Variants in GRIK5 observed in about 807,000 individuals in gnomAD.
The protein encoded by GRIK5 is glutamate receptor ionotropic, kainate 5.
Under a neutral mutation model 97.4 loss-of-function variants are expected in GRIK5, and 43 were observed. The ratio of observed to expected loss-of-function variants is 0.44; its 90% CI spans 0.35 to 0.57. The LOEUF (loss-of-function observed/expected upper bound fraction) is 0.57. Among genes scored for constraint, GRIK5 ranks in the 20% least tolerant of loss-of-function variants. The pLI, the probability that GRIK5 is intolerant of heterozygous loss-of-function variation, is 0.01. For missense variants in GRIK5, 1,015 were observed against 1,382.0 expected (o/e 0.73, Z 4.21); for synonymous variants, 580 against 583.5 (o/e 0.99, Z 0.09).
chr19:42,059,863 C>T (rs1199143167), intron 5 of GRIK5, among the ~76,000 whole-genome samples: 1 of 152,084 alleles, frequency 6.6e-6, no homozygotes, highest in Non-Finnish European at 1.5e-5. Context: ...CTCTAGTGTG[C>T]CAGTCGCTCA....
rs1599770222 is a variant in GRIK5 at position 42,021,885 on chromosome 19, T to C, written c.1697+62A>G. 1 of 1,112,108 alleles carries C rather than the reference T, an allele frequency of 9.0e-7. No individual in the cohort carries two copies. Among genetic ancestry groups the C allele is most frequent in the Non-Finnish European group, 1.3e-6 (1 of 744,828 alleles). 68.9% of individuals were successfully genotyped at this position (1,112,108 alleles called of 1,614,324 possible). A position where few individuals can be genotyped will look rare whatever the true frequency, so the allele number is the denominator to read the frequency against. ...TTCCGAGAGAGAAGAGGCAGGTCGG[T>C]CCCAGAGGCCTCGGCTCGTGCCTCC... On this transcript the variant is annotated intron_variant, in intron 14 of 19. Coordinates refer to ENST00000593562, the MANE Select transcript of GRIK5 (RefSeq NM_002088.5). The surrounding 1 kb of genome is among the most constrained non-coding windows in gnomAD (Gnocchi z 4.2).
intron 15 of GRIK5, among the ~76,000 whole-genome samples, chr19:42,012,395 C>T (rs775269344): frequency 1.3e-5 from 2 of 152,034 alleles, no homozygotes; most frequent in South Asian, 2.1e-4. Flanking sequence ...GAACTACAGG[C>T]GCACACTGCC....
At chr19:42,027,268 T>G (rs569311431) in intron 12 of GRIK5, among the ~76,000 whole-genome samples, 1 of 152,222 alleles carries the variant, frequency 6.6e-6, no homozygotes, top group Non-Finnish European at 1.5e-5. Context: ...GATGCTGTTT[T>G]GGATCTGCTC....
At chr19:42,069,116 A>G (rs1336916505) in intron 1 of GRIK5, 125 bp downstream of exon 1, 4 of 424,410 alleles carry the variant, frequency 9.4e-6, no homozygotes, top group African/African-American at 6.1e-5. Flanking sequence ...GCAGGCCCCT[A>G]GTGGGGGAGG....
intron 9 of GRIK5, among the ~76,000 whole-genome samples, 154 bp downstream of exon 9, chr19:42,054,166 C>T (rs1568923879): frequency 6.6e-6 from 1 of 151,848 alleles, no homozygotes; most frequent in Non-Finnish European, 1.5e-5. Context: ...AGAGAGTAAC[C>T]CAGATAGGCA....
Position 42,070,121 on chromosome 19 carries a change from G to C in GRIK5, c.-931C>G, listed in dbSNP as rs907480055. ...CCCCGGCTGGGCCTGCCTCCCTGCC[G>C]CTGGCTGCCGCCACCGCTCAGTCTC... On this transcript the variant is annotated 5_prime_UTR_variant, in exon 1 of 20. Coordinates refer to ENST00000593562, the MANE Select transcript of GRIK5 (RefSeq NM_002088.5). Among the ~76,000 whole-genome samples, 2 of 152,066 alleles carry C rather than the reference G, an allele frequency of 1.3e-5. No individual in the cohort carries two copies. The highest frequency in any genetic ancestry group is 2.9e-5 in the Non-Finnish European group (2 of 67,978).
rs1378583951 is a variant in GRIK5, at chr19:42,070,132, C to G, written c.-942G>C. The stretch of plus-strand genomic sequence containing the variant: ...CCTGCCTCCCTGCCGCTGGCTGCCG[C>G]CACCGCTCAGTCTCCCCTCCGAGGC... On this transcript the variant is annotated 5_prime_UTR_variant, in exon 1 of 20. Transcript: ENST00000593562. Among the ~76,000 whole-genome samples, 2 of 152,078 alleles carry G rather than the reference C, an allele frequency of 1.3e-5. No individual in the cohort carries two copies. The highest frequency in any genetic ancestry group is 4.8e-5 in the African/African-American group (2 of 41,410).
At chr19:42,055,823 C>T (rs927719487) in intron 8 of GRIK5, among the ~76,000 whole-genome samples, 1 of 151,962 alleles carries the variant, frequency 6.6e-6, no homozygotes, top group Non-Finnish European at 1.5e-5. Flanking sequence ...GCTGGGATTA[C>T]AGGCATACGC....
In GRIK5 at chr19:42,059,403, C is replaced by A. The variant is rs1459044674; in HGVS notation, c.633G>T (p.Val211=). ...PLLKEIRDDK[V]STIIIDANAS... ...CGTTGGCGTCGATGATGATGGTGGA[C>A]ACCTTGTCATCACGGATCTCCTTGA... The change falls in exon 6 of 20, where the codon GTG becomes GTT. Residue 211 remains valine (V), a synonymous_variant. Coordinates refer to ENST00000593562, the MANE Select transcript of GRIK5 (RefSeq NM_002088.5). 1 of 1,613,924 alleles carries A rather than the reference C, an allele frequency of 6.2e-7. No homozygotes were observed. Among genetic ancestry groups the A allele is most frequent in the East Asian group, 2.2e-5 (1 of 44,886 alleles).
chr19:42,031,372 C>T lies in GRIK5; in HGVS notation c.1474-9018G>A, dbSNP rs193202427. Among the ~76,000 whole-genome samples the T allele has an allele frequency of 8.7e-4, 132 of 152,306 alleles. 1 individual carries two copies. Among genetic ancestry groups the T allele is most frequent in the African/African-American group, 2.9e-3 (122 of 41,562 alleles). On this transcript the variant is annotated intron_variant, in intron 12 of 19. Coordinates refer to ENST00000593562, the MANE Select transcript of GRIK5 (RefSeq NM_002088.5). ...AGACAGGGAGTTCTAGGAGCTTCCA[C>T]GTGGCTCTTTCTACCATAATGGCCC...
chr19:42,049,888 G>A (rs1465681266), intron 11 of GRIK5, among the ~76,000 whole-genome samples: 1 of 152,098 alleles, frequency 6.6e-6, no homozygotes, highest in Non-Finnish European at 1.5e-5. Context: ...TGTCAACACT[G>A]ATCTAGTCCA....
intron 15 of GRIK5, among the ~76,000 whole-genome samples, chr19:42,013,402 TC>T (rs1454852846): frequency 6.7e-6 from 1 of 149,628 alleles, no homozygotes; most frequent in Admixed American, 6.6e-5. Flanking sequence ...TTTCTTTTTT[TC>T]TTTTCTTTTT....
At chr19:42,005,634 CG>C (rs2075480143) in intron 17 of GRIK5, 88 bp downstream of exon 17, 2 of 863,676 alleles carry the variant, frequency 2.3e-6, no homozygotes, top group Non-Finnish European at 3.8e-6. Flanking sequence ...CAGCCTGCCT[CG>C]GGGGTGCCTG....
intron 6 of GRIK5, 21 bp downstream of exon 6, chr19:42,059,328 A>C (rs2076228625): frequency 6.3e-7 from 1 of 1,590,298 alleles, no homozygotes; most frequent in African/African-American, 1.3e-5. Context: ...TCCTTTGGGA[A>C]ATCAGAGGTA....
In GRIK5 at chr19:42,068,855, G is replaced by A. The variant is rs750797178; in HGVS notation, c.-51+386C>T. 7.3e-6 allele frequency: 5 copies of A among 683,498 alleles called. No homozygotes were observed. In the South Asian group the frequency reaches 7.7e-5, roughly 10 times the overall value. The allele number at this position is 683,498 out of a possible 1,614,324, so 42.3% of individuals were successfully genotyped here. On this transcript the variant is annotated intron_variant, in intron 1 of 19. Coordinates refer to ENST00000593562, the MANE Select transcript of GRIK5 (RefSeq NM_002088.5). ...CTGGACGGGGTGGGGACAGGGCCAA[G>A]GCCCACCGCAGGCAGAGGATGAGGC...
In GRIK5 at chr19:42,062,224, C is replaced by G. The variant is rs1229882751; in HGVS notation, c.508+264G>C. On this transcript the variant is annotated intron_variant, in intron 5 of 19. Coordinates refer to ENST00000593562, the MANE Select transcript of GRIK5 (RefSeq NM_002088.5). This position sits in a 1 kb window ranked among gnomAD's most constrained non-coding sequence, Gnocchi z 5.3. The stretch of plus-strand genomic sequence containing the variant: ...CCTCCACTAGAACCGGAGTTCCAAG[C>G]ACCCAGGGACCACGCCCAGGGCCTA... 1.3e-5 allele frequency among the ~76,000 whole-genome samples: 2 copies of G among 152,198 alleles called. No individual in the cohort carries two copies. The highest frequency in any genetic ancestry group is 4.8e-5 in the African/African-American group (2 of 41,456).
Position 42,065,607 on chromosome 19 carries a change from T to C in GRIK5, c.79+85A>G, listed in dbSNP as rs945274201. The C allele has an allele frequency of 7.4e-6, 9 of 1,213,468 alleles. No homozygotes were observed. Among genetic ancestry groups the C allele is most frequent in the African/African-American group, 3.0e-5 (2 of 66,428 alleles). 75.2% of individuals were successfully genotyped at this position (1,213,468 alleles called of 1,614,324 possible). ...CTTGCTGCTGAAGAGAGCTGAGACC[T>C]GGACCCTGACGGACTGGCATGCCTG... On this transcript the variant is annotated intron_variant, in intron 2 of 19. Transcript: ENST00000593562. The surrounding 1 kb of genome is among the most constrained non-coding windows in gnomAD (Gnocchi z 5.8).
intron 15 of GRIK5, among the ~76,000 whole-genome samples, chr19:42,013,323 T>C (rs903680265): frequency 6.6e-6 from 1 of 151,674 alleles, no homozygotes; most frequent in Non-Finnish European, 1.5e-5. Flanking sequence ...CACTCCAGCC[T>C]AGAGACAGAG....
chr19:42,031,318 G>T (rs780685158), intron 12 of GRIK5, among the ~76,000 whole-genome samples: 1 of 152,224 alleles, frequency 6.6e-6, no homozygotes, highest in East Asian at 1.9e-4. Flanking sequence ...AAAGGATAGA[G>T]AATTGCTTTT....
Sources: allele counts gnomAD v4.1 joint callset (sites outside exome capture counted in the v4.1 genomes callset), GRCh38; gene constraint gnomAD v4.1.1; non-coding constraint Gnocchi (gnomAD v3.1); transcripts MANE v1.5; gene names NCBI Gene and HGNC (gene_info 2026-07-23, HGNC 2026-07-21).